MYH1: variants seen among roughly 807,000 people sequenced by gnomAD.
MYH1 encodes myosin-1.
Under a neutral mutation model 225.6 loss-of-function variants are expected in MYH1, and 214 were observed. The observed-to-expected ratio is 0.95, with a 90% CI of 0.85 to 1.06. MYH1 has a LOEUF of 1.06. Among genes scored for constraint, MYH1 ranks in the 50% least tolerant of loss-of-function variants. The pLI is 0.00. For synonymous variants in MYH1, 774 were observed against 842.3 expected, an observed-to-expected ratio of 0.92 and a Z score of 1.40; for missense variants, 2,098 against 2,344.2, an observed-to-expected ratio of 0.89 and a Z score of 2.17.
rs777953026 is a variant in MYH1, at chr17:10,494,559, T to C, written c.5571+10A>G. On this transcript the variant is annotated intron_variant, in intron 38 of 39. Transcript: ENST00000226207. ...CTAAAGTGAAAACCTAGACAGGCCATTTTCCTTACTTGGTAAGTGAGTTCC... is the reference window on the plus strand; with the variant it reads ...CTAAAGTGAAAACCTAGACAGGCCACTTTCCTTACTTGGTAAGTGAGTTCC... The C allele has an allele frequency of 7.4e-6, 12 of 1,613,280 alleles. No homozygotes were observed. In the Admixed American group the frequency reaches 8.4e-5, roughly 11 times the overall value.
chr17:10,492,381 G>A lies in MYH1; in HGVS notation c.*35C>T. 2.5e-6 allele frequency: 4 copies of A among 1,605,270 alleles called. No individual in the cohort carries two copies. The highest frequency in any genetic ancestry group is 2.2e-5 in the South Asian group (2 of 89,254). Reference sequence around the variant, plus strand: ...AGTGACAAAGATTTTCACATTTTGTGCATTTCTTTGGTCACCTTTCAGCAG... The same window carrying A: ...AGTGACAAAGATTTTCACATTTTGTACATTTCTTTGGTCACCTTTCAGCAG... On this transcript the variant is annotated 3_prime_UTR_variant, in exon 40 of 40. Coordinates refer to ENST00000226207, the MANE Select transcript of MYH1 (RefSeq NM_005963.4).
intron 9 of MYH1, among the ~76,000 whole-genome samples, chr17:10,513,244 G>A (rs544973836): frequency 6.6e-6 from 1 of 152,258 alleles, no homozygotes; most frequent in South Asian, 2.1e-4. Flanking sequence ...CCTCTGCAGG[G>A]TCCTGTCGCC....
intron 6 of MYH1, 125 bp downstream of exon 6, chr17:10,514,743 C>T (rs1567723304): frequency 1.2e-6 from 1 of 834,422 alleles, no homozygotes; most frequent in Non-Finnish European, 2.0e-6. Context: ...AAAGCTAAAC[C>T]AATATCTAGT....
intron 28 of MYH1, 106 bp from the exon 29 acceptor site, chr17:10,499,198 G>T: frequency 1.1e-6 from 1 of 913,000 alleles, no homozygotes; most frequent in Non-Finnish European, 1.8e-6. Flanking sequence ...TTGATGGAGG[G>T]CATGGGTGAC....
intron 3 of MYH1, 24 bp downstream of exon 3, chr17:10,516,415 T>A: frequency 6.2e-7 from 1 of 1,614,196 alleles, no homozygotes; most frequent in Non-Finnish European, 8.5e-7. Flanking sequence ...CAGAGTCTAA[T>A]CAGCTCCAGG....
rs778161824 is a variant in MYH1, at chr17:10,516,418, G to A, written c.204+21C>T. 1.1e-5 allele frequency: 18 copies of A among 1,614,086 alleles called. No homozygotes were observed. In the South Asian group the frequency reaches 1.9e-4, roughly 17 times the overall value. ...CCCAAAATGAGGCAGAGTCTAATCA[G>A]CTCCAGGTGTTTTTACTCACAGCTC... On this transcript the variant is annotated intron_variant, in intron 3 of 39. Coordinates refer to ENST00000226207, the MANE Select transcript of MYH1 (RefSeq NM_005963.4).
chr17:10,516,882 G>C (rs2073235313), intron 2 of MYH1, among the ~76,000 whole-genome samples, 200 bp from the exon 3 acceptor site: 1 of 152,172 alleles, frequency 6.6e-6, no homozygotes, highest in Non-Finnish European at 1.5e-5. Flanking sequence ...TCATGCATTT[G>C]GAAAGAGACT....
At chr17:10,500,807 G>A in intron 27 of MYH1, 55 bp from the exon 28 acceptor site, 1 of 1,610,150 alleles carries the variant, frequency 6.2e-7, no homozygotes, top group South Asian at 1.1e-5. Context: ...ACCAAAGAAA[G>A]TTTCAGTAAT....
At chr17:10,507,398 T>G (rs1452862708) in intron 17 of MYH1, among the ~76,000 whole-genome samples, 5 of 152,204 alleles carry the variant, frequency 3.3e-5, no homozygotes, top group Admixed American at 6.5e-5. Flanking sequence ...TTATCACATC[T>G]GGTTTCTTAT....
chr17:10,503,186 C>T lies in MYH1; in HGVS notation c.2754G>A (p.Gln918=). 6.2e-7 allele frequency: 1 copy of T among 1,614,058 alleles called. No individual in the cohort carries two copies. The highest frequency in any genetic ancestry group is 8.5e-7 in the Non-Finnish European group (1 of 1,180,012). Reference sequence around the variant, plus strand: ...TCACCTCTTTGATTTTGGCTTCTAGCTGGATTTTGGTTTTGATTAGCTGGT... The same window carrying T: ...TCACCTCTTTGATTTTGGCTTCTAGTTGGATTTTGGTTTTGATTAGCTGGT... ...RCDQLIKTKI[Q]LEAKIKEVTE... The change falls in exon 23 of 40, where the codon CAG becomes CAA. Residue 918 remains glutamine, a synonymous_variant. Transcript: ENST00000226207.
chr17:10,516,141 T>C (rs1428108063), intron 4 of MYH1, 58 bp downstream of exon 4: 3 of 1,613,432 alleles, frequency 1.9e-6, no homozygotes, highest in Non-Finnish European at 1.7e-6. Context: ...AATCATCTAC[T>C]ACTTTTCAAA....
At chr17:10,508,009 TTTTTTTTTG>T in intron 16 of MYH1, 53 bp from the exon 17 acceptor site, 9 of 1,293,436 alleles carry the variant, frequency 7.0e-6, no homozygotes, top group South Asian at 2.7e-5. Context: ...GTTATGGTTT[TTTTTTTTTG>T]TTTTTTTTTG....
At chr17:10,510,167 G>C (rs2073157447) in intron 14 of MYH1, among the ~76,000 whole-genome samples, 1 of 151,924 alleles carries the variant, frequency 6.6e-6, no homozygotes, top group Non-Finnish European at 1.5e-5. Context: ...TTTAAAAGTT[G>C]TTTGGTTTTT....
chr17:10,514,981 G>A (rs2073211028), intron 5 of MYH1, 86 bp from the exon 6 acceptor site: 2 of 1,199,900 alleles, frequency 1.7e-6, no homozygotes, highest in Non-Finnish European at 1.2e-6. Flanking sequence ...TTGAGTATAA[G>A]TGTCATGTAT....
In MYH1 at chr17:10,503,023, G is replaced by A. The variant is rs1403199725; in HGVS notation, c.2917C>T (p.His973Tyr). 3 of 1,613,736 alleles carry A rather than the reference G, an allele frequency of 1.9e-6. No individual in the cohort carries two copies. The highest frequency in any genetic ancestry group is 8.5e-7 in the Non-Finnish European group (1 of 1,179,958). Residue 973 changes from histidine to tyrosine, a missense_variant, in exon 23 of 40, where the codon CAT (histidine) becomes TAT (tyrosine). Coordinates refer to ENST00000226207, the MANE Select transcript of MYH1 (RefSeq NM_005963.4). ...ATTGATACCTTGTTTTCTGTGGCAT[G>A]TTTCTCCTTCTCAACCTTGGCCAGT... ...LTLAKVEKEK[H>Y]ATENKVKNLT...
In MYH1 at chr17:10,497,414, A is replaced by C. The variant is rs375586690; in HGVS notation, c.4404T>G (p.His1468Gln). 3 of 1,612,064 alleles carry C rather than the reference A, an allele frequency of 1.9e-6. No homozygotes were observed. The highest frequency in any genetic ancestry group is 2.2e-5 in the South Asian group (2 of 90,408). The change falls in exon 32 of 40, where the codon CAT becomes CAG. Residue 1468 changes from histidine to glutamine, a missense_variant. His to Gln is a conservative substitution (Grantham distance 24, BLOSUM62 0). Coordinates refer to ENST00000226207, the MANE Select transcript of MYH1 (RefSeq NM_005963.4). ...AEWKQKCEET[H>Q]AELEASQKES... ...CCTTTTGAGAAGCTTCAAGTTCAGC[A>C]TGAGTTTCTTCACACTTCTGTTTCC...
chr17:10,497,029 C>T, intron 33 of MYH1, 40 bp downstream of exon 33: 1 of 1,589,986 alleles, frequency 6.3e-7, no homozygotes, highest in Non-Finnish European at 8.5e-7. Flanking sequence ...GACCCCAATT[C>T]CTCTTCTAAT....
rs914824557 is a variant in MYH1, at chr17:10,514,316, C to G, written c.534-192G>C. ...AAAATCAGTCATTGTTCATTTAACA[C>G]GTATTTCTTGAGTGTTTATAATGTG... On this transcript the variant is annotated intron_variant, in intron 6 of 39. Transcript: ENST00000226207. Among the ~76,000 whole-genome samples the G allele has an allele frequency of 5.3e-5, 8 of 152,262 alleles. No homozygotes were observed. In the East Asian group the frequency reaches 1.5e-3, roughly 29 times the overall value.
chr17:10,498,598 T>A, intron 30 of MYH1, 28 bp downstream of exon 30: 1 of 1,613,830 alleles, frequency 6.2e-7, no homozygotes, highest in Non-Finnish European at 8.5e-7. Context: ...AAACTTATAG[T>A]TCCATTTTAA....
Sources: allele counts gnomAD v4.1 joint callset (sites outside exome capture counted in the v4.1 genomes callset), GRCh38; gene constraint gnomAD v4.1.1; transcripts MANE v1.5; gene names NCBI Gene and HGNC (gene_info 2026-07-23, HGNC 2026-07-21).